SETDB2: variants seen among roughly 807,000 people sequenced by gnomAD.
The protein encoded by SETDB2 is SET domain bifurcated histone lysine methyltransferase 2.
A neutral mutation model predicts 82.5 loss-of-function variants in SETDB2; 56 were observed. The ratio of observed to expected loss-of-function variants is 0.68; its 90% CI spans 0.55 to 0.85. SETDB2 has a LOEUF of 0.85. Ranked by LOEUF, SETDB2 falls within the 40% of genes least tolerant of loss-of-function variation. The pLI is 0.00. For missense variants in SETDB2, 677 were observed against 816.4 expected, an observed-to-expected ratio of 0.83 and a Z score of 2.08; for synonymous variants, 272 against 284.9, an observed-to-expected ratio of 0.95 and a Z score of 0.46.
Position 49,451,682 on chromosome 13 carries a change from T to TC in SETDB2, c.-211dup. Reference sequence around the variant, plus strand: ...ATGGACTTGTCTTTTGGTTGGACTGTCACTCATTTCTGAAAGTTTCTTCAG... The same window carrying TC: ...ATGGACTTGTCTTTTGGTTGGACTGTCCACTCATTTCTGAAAGTTTCTTCAG... On this transcript the variant is annotated 5_prime_UTR_variant, in exon 2 of 14. The change abolishes the stop of an existing upstream ORF in the 5' untranslated region. Coordinates refer to ENST00000611815, the MANE Select transcript of SETDB2 (RefSeq NM_001160308.3). 2.5e-6 allele frequency: 1 copy of TC among 392,638 alleles called. No individual in the cohort carries two copies. The allele number at this position is 392,638 out of a possible 1,614,324, so 24.3% of individuals were successfully genotyped here. A position where few individuals can be genotyped will look rare whatever the true frequency, so the allele number is the denominator to read the frequency against.
chr13:49,483,770 G>GGTGCACACCACCAT (rs747326752), intron 10 of SETDB2, among the ~76,000 whole-genome samples: 8 of 151,704 alleles, frequency 5.3e-5, no homozygotes, highest in Non-Finnish European at 1.0e-4. Flanking sequence ...TGGGACTACA[G>GGTGCACACCACCAT]GTGCACACCA....
intron 6 of SETDB2, among the ~76,000 whole-genome samples, chr13:49,478,332 C>T (rs1443709409): frequency 2.0e-5 from 3 of 152,146 alleles, no homozygotes; most frequent in Non-Finnish European, 4.4e-5. Context: ...GGTACCTGCA[C>T]AAGACTAGGA....
In SETDB2 at chr13:49,488,831, C is replaced by T. The variant is rs75448870; in HGVS notation, c.1917+201C>T. ...TCTGTAATACAGGGATAAATGATAA[C>T]TGTCTCAGGATGTTATGAGAATCTA... On this transcript the variant is annotated intron_variant, in intron 12 of 13. Transcript: ENST00000611815. 2.5e-3 allele frequency: 1,224 copies of T among 491,740 alleles called. 9 individuals are homozygous for T. Among genetic ancestry groups the T allele is most frequent in the African/African-American group, 0.02 (1,026 of 51,892 alleles). 30.5% of individuals were successfully genotyped at this position (491,740 alleles called of 1,614,324 possible).
At chr13:49,454,645 A>G (rs1172420065) in intron 2 of SETDB2, among the ~76,000 whole-genome samples, 2 of 152,196 alleles carry the variant, frequency 1.3e-5, no homozygotes, top group Non-Finnish European at 2.9e-5. Context: ...CCTTACTGAG[A>G]TCCCTGACGT....
At chr13:49,466,807 C>T (rs1333420998) in intron 4 of SETDB2, among the ~76,000 whole-genome samples, 4 of 123,392 alleles carry the variant, frequency 3.2e-5, no homozygotes, top group African/African-American at 6.3e-5. Context: ...CCATGCCTGG[C>T]TAACTTTTTT....
At chr13:49,446,130 A>G (rs567795860) in intron 1 of SETDB2, among the ~76,000 whole-genome samples, 29 of 152,184 alleles carry the variant, frequency 1.9e-4, no homozygotes, top group Middle Eastern at 3.4e-3. Flanking sequence ...TCTGGAAGAG[A>G]GTTTGACAAT....
At chr13:49,491,484 C>T (rs1470523338) in intron 13 of SETDB2, among the ~76,000 whole-genome samples, 1 of 152,142 alleles carries the variant, frequency 6.6e-6, no homozygotes, top group East Asian at 1.9e-4. Context: ...TGACTGGGTC[C>T]CACTGTTGGC....
In SETDB2 at chr13:49,448,846, A is replaced by G. The variant is rs75777090; in HGVS notation, c.-341-2707A>G. Among the ~76,000 whole-genome samples the G allele has an allele frequency of 7.2e-3, 1,096 of 152,194 alleles. 11 individuals are homozygous for G. Among genetic ancestry groups the G allele is most frequent in the African/African-American group, 0.025 (1,030 of 41,526 alleles). On this transcript the variant is annotated intron_variant, in intron 1 of 13. Transcript: ENST00000611815. ...AGTTCCTTAGATTTGTTACTTCATC[A>G]CCAAATTGTGGATCTGTGCATTTTC...
At chr13:49,454,245 A>G (rs746936999) in intron 2 of SETDB2, among the ~76,000 whole-genome samples, 5 of 152,136 alleles carry the variant, frequency 3.3e-5, no homozygotes, top group Non-Finnish European at 7.4e-5. Flanking sequence ...TCTACTTAAA[A>G]AAAAATAATA....
In SETDB2 at chr13:49,460,261, T is replaced by C. The variant is rs186480776; in HGVS notation, c.142+29T>C. ...TGAAGCAATAAAAACTTTGAATATG[T>C]TTAATACTAAATATTTCTCTCTGAC... On this transcript the variant is annotated intron_variant, in intron 3 of 13. Transcript: ENST00000611815. 4.4e-6 allele frequency: 7 copies of C among 1,601,990 alleles called. No homozygotes were observed. In the Admixed American group the frequency reaches 5.2e-5, roughly 12 times the overall value.
rs555955690 is a variant in SETDB2 at position 49,477,749 on chromosome 13, T to C, written c.869+710T>C. On this transcript the variant is annotated intron_variant, in intron 6 of 13. Coordinates refer to ENST00000611815, the MANE Select transcript of SETDB2 (RefSeq NM_001160308.3). Reference sequence around the variant, plus strand: ...GAAGTTGAGCCTCAGAGAAGTCAATTTGGAGAGGTCATAGAACAAATTGTA... The same window carrying C: ...GAAGTTGAGCCTCAGAGAAGTCAATCTGGAGAGGTCATAGAACAAATTGTA... 1.1e-3 allele frequency among the ~76,000 whole-genome samples: 170 copies of C among 152,298 alleles called. 2 individuals are homozygous for C. The highest frequency in any genetic ancestry group is 6.8e-4 in the Non-Finnish European group (46 of 68,012).
At chr13:49,477,292 T>C (rs1053130340) in intron 6 of SETDB2, among the ~76,000 whole-genome samples, 1 of 151,976 alleles carries the variant, frequency 6.6e-6, no homozygotes, top group African/African-American at 2.4e-5. Context: ...AAAAATTAGC[T>C]GGGTATGGTG....
At chr13:49,483,349 A>G in intron 9 of SETDB2, 115 bp from the exon 10 acceptor site, 1 of 439,326 alleles carries the variant, frequency 2.3e-6, no homozygotes, top group Non-Finnish European at 4.1e-6. Flanking sequence ...GTTCTTACTT[A>G]GGTTAATTTA....
At chr13:49,475,735 G>A (rs1035057061) in intron 5 of SETDB2, among the ~76,000 whole-genome samples, 4 of 151,786 alleles carry the variant, frequency 2.6e-5, no homozygotes, top group East Asian at 3.9e-4. Flanking sequence ...CAGTCCTTCC[G>A]TCTTGGCCTC....
chr13:49,484,691 G>A (rs994799770), intron 10 of SETDB2, among the ~76,000 whole-genome samples: 1 of 152,238 alleles, frequency 6.6e-6, no homozygotes, highest in Non-Finnish European at 1.5e-5. Flanking sequence ...AGATTAGTCA[G>A]AGACTGAAAC....
Position 49,494,763 on chromosome 13 carries a change from G to A in SETDB2, c.*2914G>A, listed in dbSNP as rs535784165. 3.9e-5 allele frequency: 6 copies of A among 152,276 alleles called. No individual in the cohort carries two copies. In the South Asian group the frequency reaches 1.2e-3, roughly 32 times the overall value. The allele number at this position is 152,276 out of a possible 1,614,324, so 9.4% of individuals were successfully genotyped here. ...GACTATACAAATTGTCCTTTTTAATGTTCTCTCTTCTGCTATCCCTAGTTG... is the reference window on the plus strand; with the variant it reads ...GACTATACAAATTGTCCTTTTTAATATTCTCTCTTCTGCTATCCCTAGTTG... On this transcript the variant is annotated 3_prime_UTR_variant, in exon 14 of 14. Transcript: ENST00000611815.
chr13:49,491,282 A>G (rs1239376848), intron 13 of SETDB2, among the ~76,000 whole-genome samples: 3 of 152,216 alleles, frequency 2.0e-5, no homozygotes, highest in African/African-American at 7.2e-5. Flanking sequence ...CAATTATCCT[A>G]AACTGTTCCT....
Position 49,476,693 on chromosome 13 carries a change from C to T in SETDB2, c.523C>T (p.Leu175Phe). 6.2e-7 allele frequency: 1 copy of T among 1,614,236 alleles called. No homozygotes were observed. Among genetic ancestry groups the T allele is most frequent in the Non-Finnish European group, 8.5e-7 (1 of 1,180,044 alleles). ...HAKTNSHSSA[L>F]HVSYKTPCGR... ...AAAGACAAACTCTCATTCTTCAGCA[C>T]TCCACGTGAGTTATAAAACCCCTTG... The change falls in exon 6 of 14, where the codon CTC becomes TTC. Residue 175 changes from leucine (L) to phenylalanine (F), a missense_variant. Around this residue, in one of 3 missense-constraint regions of SETDB2, gnomAD observed 243 missense variants for 237.2 expected, o/e 1.02. Coordinates refer to ENST00000611815, the MANE Select transcript of SETDB2 (RefSeq NM_001160308.3).
At chr13:49,462,245 C>T (rs935977667) in intron 4 of SETDB2, among the ~76,000 whole-genome samples, 9 of 152,140 alleles carry the variant, frequency 5.9e-5, no homozygotes, top group Non-Finnish European at 7.4e-5. Flanking sequence ...GATGAAAGTG[C>T]GAACTCATTA....
Sources: gnomAD v4.1 joint callset for allele counts (sites outside exome capture counted in the v4.1 genomes callset) on GRCh38, gnomAD v4.1.1 for gene constraint, gnomAD v4.1.1 regional missense constraint, MANE v1.5 for transcripts, NCBI Gene and HGNC (gene_info 2026-07-23, HGNC 2026-07-21) for gene names.